Variants in PPP1R14C observed in about 807,000 individuals in gnomAD.
PPP1R14C encodes protein phosphatase 1 regulatory subunit 14C.
In PPP1R14C, 16 loss-of-function variants were observed where a neutral mutation model predicts 20.4. That is an observed-to-expected ratio of 0.78 (90% confidence interval 0.53 to 1.19). The LOEUF is 1.19. Among genes scored for constraint, PPP1R14C ranks in the 50% most tolerant of loss-of-function variants. The pLI is 0.00. For synonymous variants in PPP1R14C, 91 were observed against 91.0 expected (o/e 1.00, Z 0.00); for missense variants, 211 against 220.1 (o/e 0.96, Z 0.26).
intron 1 of PPP1R14C, among the ~76,000 whole-genome samples, chr6:150,202,720 C>T (rs1262650273): frequency 6.6e-6 from 1 of 152,204 alleles, no homozygotes; most frequent in Non-Finnish European, 1.5e-5. Context: ...ATGACTCACA[C>T]CTGGACCTTT....
chr6:150,176,279 C>T (rs983039962), intron 1 of PPP1R14C, among the ~76,000 whole-genome samples: 5 of 152,212 alleles, frequency 3.3e-5, no homozygotes, highest in African/African-American at 1.2e-4. Flanking sequence ...ACGGGAGTGC[C>T]CGTGGCTTCC....
chr6:150,149,708 T>G (rs1438055986), intron 1 of PPP1R14C, among the ~76,000 whole-genome samples: 1 of 152,124 alleles, frequency 6.6e-6, no homozygotes, highest in African/African-American at 2.4e-5. Context: ...GTCAGTGTTG[T>G]TATTGGAGCC....
chr6:150,237,789 A>T (rs1392810516), intron 3 of PPP1R14C, among the ~76,000 whole-genome samples: 1 of 152,214 alleles, frequency 6.6e-6, no homozygotes, highest in Admixed American at 6.5e-5. Context: ...AACCCAAGTC[A>T]TCTGACTCTA....
intron 3 of PPP1R14C, among the ~76,000 whole-genome samples, chr6:150,248,016 G>A (rs1460464328): frequency 6.6e-6 from 1 of 152,278 alleles, no homozygotes; most frequent in South Asian, 2.1e-4. Flanking sequence ...TCTGGAGAGG[G>A]CCTTTTTGCT....
intron 3 of PPP1R14C, among the ~76,000 whole-genome samples, chr6:150,241,868 CAG>C (rs752602059): frequency 8.6e-5 from 13 of 152,034 alleles, no homozygotes; most frequent in Non-Finnish European, 1.6e-4. Flanking sequence ...GCCTGGGTGA[CAG>C]AGTGAGACTC....
rs73605930 is a variant in PPP1R14C at position 150,146,518 on chromosome 6, G to A, written c.306+3020G>A. Among the ~76,000 whole-genome samples the A allele has an allele frequency of 1.8e-3, 271 of 152,328 alleles. 1 individual carries two copies. The highest frequency in any genetic ancestry group is 6.0e-3 in the African/African-American group (248 of 41,562). ...ATGTTACTTCCCAGAGTCATGAACTGAAATGCAGTTAGGAGACTGCCCTGG... is the reference window on the plus strand; with the variant it reads ...ATGTTACTTCCCAGAGTCATGAACTAAAATGCAGTTAGGAGACTGCCCTGG... On this transcript the variant is annotated intron_variant, in intron 1 of 3. Transcript: ENST00000361131.
intron 1 of PPP1R14C, chr6:150,194,694 A>T: frequency 8.1e-6 from 8 of 985,462 alleles, no homozygotes; most frequent in Non-Finnish European, 9.6e-6. Flanking sequence ...GGTGAATCTG[A>T]TAAAATGATT....
rs948408410 is a variant in PPP1R14C, at chr6:150,213,238, G to C, written c.307-1506G>C. 3.3e-5 allele frequency among the ~76,000 whole-genome samples: 5 copies of C among 152,214 alleles called. No individual in the cohort carries two copies. In the South Asian group the frequency reaches 8.3e-4, roughly 25 times the overall value. ...TAAATCACTAGAGAGGTTGTTTCTG[G>C]AATTTTCCTGCCCATTGAGGGCCTG... On this transcript the variant is annotated intron_variant, in intron 1 of 3. Coordinates refer to ENST00000361131, the MANE Select transcript of PPP1R14C (RefSeq NM_030949.3).
At chr6:150,197,604 G>A (rs1000398927) in intron 1 of PPP1R14C, among the ~76,000 whole-genome samples, 3 of 152,268 alleles carry the variant, frequency 2.0e-5, no homozygotes, top group East Asian at 1.9e-4. Context: ...TTGCTGTAGC[G>A]GGGTGGAGAG....
chr6:150,196,601 T>C (rs955515898), intron 1 of PPP1R14C, among the ~76,000 whole-genome samples: 40 of 152,342 alleles, frequency 2.6e-4, no homozygotes, highest in Admixed American at 8.5e-4. Context: ...AATGGAAACA[T>C]AGATCAGCAT....
chr6:150,188,987 T>C (rs567256642), intron 1 of PPP1R14C, among the ~76,000 whole-genome samples: 1 of 152,128 alleles, frequency 6.6e-6, no homozygotes, highest in South Asian at 2.1e-4. Flanking sequence ...GCCTCCTGAG[T>C]AGCTGGGATC....
chr6:150,162,595 GAA>G lies in PPP1R14C; in HGVS notation c.306+19098_306+19099del, dbSNP rs1260738076. Reference sequence around the variant, plus strand: ...ACCACAGTTTATCCACTTGGCTCTTGAAGGACATCTTGGTTGCTTCAGTTTTT... The same window carrying G: ...ACCACAGTTTATCCACTTGGCTCTTGGGACATCTTGGTTGCTTCAGTTTTT... On this transcript the variant is annotated intron_variant, in intron 1 of 3. Transcript: ENST00000361131. 4.6e-5 allele frequency among the ~76,000 whole-genome samples: 7 copies of G among 152,248 alleles called. No homozygotes were observed. The South Asian group carries it at 8.3e-4, about 18-fold the overall frequency.
intron 3 of PPP1R14C, among the ~76,000 whole-genome samples, chr6:150,245,157 G>A (rs1040280403): frequency 6.6e-6 from 1 of 152,140 alleles, no homozygotes; most frequent in Non-Finnish European, 1.5e-5. Context: ...CAGTCCAGCA[G>A]CAAGGTCTAC....
intron 1 of PPP1R14C, among the ~76,000 whole-genome samples, chr6:150,184,886 G>T (rs902682482): frequency 6.6e-5 from 10 of 152,238 alleles, no homozygotes; most frequent in Non-Finnish European, 8.8e-5. Flanking sequence ...CACATGGGTA[G>T]CCGTATAGCC....
chr6:150,244,086 A>G lies in PPP1R14C; in HGVS notation c.424-4660A>G, dbSNP rs182941238. 5.3e-5 allele frequency among the ~76,000 whole-genome samples: 8 copies of G among 152,218 alleles called. No homozygotes were observed. The East Asian group carries it at 1.4e-3, about 26-fold the overall frequency. On this transcript the variant is annotated intron_variant, in intron 3 of 3. Coordinates refer to ENST00000361131, the MANE Select transcript of PPP1R14C (RefSeq NM_030949.3). ...TTGGATGTTTCCATGATGTTAGATC[A>G]TGCAGATAGTATGCTTGTGGTTGTT...
At chr6:150,160,751 A>G (rs1200966597) in intron 1 of PPP1R14C, among the ~76,000 whole-genome samples, 2 of 151,982 alleles carry the variant, frequency 1.3e-5, no homozygotes, top group Non-Finnish European at 2.9e-5. Flanking sequence ...TAATTCAATT[A>G]TTACTTTATT....
intron 1 of PPP1R14C, among the ~76,000 whole-genome samples, chr6:150,173,923 C>G (rs1478352844): frequency 1.3e-5 from 2 of 152,012 alleles, no homozygotes; most frequent in African/African-American, 4.8e-5. Context: ...CTGTCTTAGT[C>G]CTGCCCATCC....
chr6:150,195,735 T>G (rs1472313251), intron 1 of PPP1R14C: 2 of 506,958 alleles, frequency 3.9e-6, no homozygotes, highest in Non-Finnish European at 5.1e-6. Flanking sequence ...ATTAAGTACA[T>G]TTACTATTTT....
chr6:150,155,481 C>T (rs1224497919), intron 1 of PPP1R14C, among the ~76,000 whole-genome samples: 1 of 152,156 alleles, frequency 6.6e-6, no homozygotes, highest in African/African-American at 2.4e-5. Context: ...GTCTTAGTAA[C>T]ATGCTCAAGT....
Sources: allele counts gnomAD v4.1 joint callset (sites outside exome capture counted in the v4.1 genomes callset), GRCh38; gene constraint gnomAD v4.1.1; transcripts MANE v1.5; gene names NCBI Gene and HGNC (gene_info 2026-07-23, HGNC 2026-07-21).